The following GIPC1 variants were observed in gnomAD, a reference collection of about 807,000 sequenced individuals.
The protein encoded by GIPC1 is GIPC PDZ domain containing family member 1.
In GIPC1, 15 loss-of-function variants were observed where a neutral mutation model predicts 28.5. The observed-to-expected ratio is 0.53, with a 90% confidence interval of 0.35 to 0.81. The LOEUF (loss-of-function observed/expected upper bound fraction) is 0.81. Among genes scored for constraint, GIPC1 ranks in the 30% least tolerant of loss-of-function variants. The probability of loss-of-function intolerance (pLI) is 0.01; values close to 1 mark genes in which losing one functional copy is unlikely to be tolerated. For synonymous variants in GIPC1, 224 were observed against 206.1 expected, an observed-to-expected ratio of 1.09 and a Z score of -0.74; for missense variants, 439 against 481.9, an observed-to-expected ratio of 0.91 and a Z score of 0.83.
Position 14,482,999 on chromosome 19 carries a change from CAGA to C in GIPC1, c.-26_-24del. The C allele has an allele frequency of 6.2e-7, 1 of 1,603,778 alleles. No individual in the cohort carries two copies. The highest frequency in any genetic ancestry group is 8.5e-7 in the Non-Finnish European group (1 of 1,178,194). ...CATGAGCAGCGAGAAGTGGGGTCAC[CAGA>C]AGATCTGCAGGACAGGAAGTGGGGC... On this transcript the variant is annotated 5_prime_UTR_variant, in exon 4 of 9. Coordinates refer to ENST00000393033, the MANE Select transcript of GIPC1 (RefSeq NM_005716.4).
rs1487108775 is a variant in GIPC1 at position 14,480,693 on chromosome 19, G to A, written c.374C>T (p.Ala125Val). The change falls in exon 5 of 9, where the codon GCC becomes GTC. Residue 125 changes from alanine (A) to valine (V), a missense_variant. Physicochemically the swap from Ala to Val is moderately conservative, Grantham distance 64 (BLOSUM62 0). Transcript: ENST00000393033. ...GQIGLEDFIF[A>V]HVKGQRKEVE... ...CTCCTTGCGCTGCCCCTTCACGTGG[G>A]CGAAGATGAAGTCCTCCAGCCCGAT... is the stretch of plus-strand genomic sequence containing the variant. 1.9e-6 allele frequency: 3 copies of A among 1,614,042 alleles called. No homozygotes were observed. Among genetic ancestry groups the A allele is most frequent in the Non-Finnish European group, 2.5e-6 (3 of 1,179,996 alleles).
chr19:14,486,987 T>C (rs189107734), intron 3 of GIPC1, among the ~76,000 whole-genome samples: 76 of 152,040 alleles, frequency 5.0e-4, no homozygotes, highest in African/African-American at 1.3e-3. Context: ...AAACAATTTT[T>C]TTTTTCTTTT....
rs372383739 is a variant in GIPC1 at position 14,480,569 on chromosome 19, G to A, written c.474+24C>T. ...GGCCCACCCTCACTCCCAGGCCTCC[G>A]GGGTGCCCCGTCTCCCCAGGCACCT... On this transcript the variant is annotated intron_variant, in intron 5 of 8. Transcript: ENST00000393033. 138 of 1,610,638 alleles carry A rather than the reference G, an allele frequency of 8.6e-5. 1 individual carries two copies. The African/African-American group carries it at 1.1e-3, about 12-fold the overall frequency.
intron 3 of GIPC1, among the ~76,000 whole-genome samples, chr19:14,485,702 T>TATATATATAGAGAG (rs1300117748): frequency 8.8e-4 from 52 of 58,770 alleles, no homozygotes; most frequent in Non-Finnish European, 1.4e-3. Context: ...TATATATATA[T>TATATATATAGAGAG]AGAGAGAGAG....
rs190238467 is a variant in GIPC1, at chr19:14,486,522, T to C, written c.-30-3516A>G. Among the ~76,000 whole-genome samples the C allele has an allele frequency of 1.7e-4, 26 of 152,160 alleles. No homozygotes were observed. The East Asian group carries it at 2.7e-3, about 16-fold the overall frequency. The stretch of plus-strand genomic sequence containing the variant: ...TCCCAGGCAGGGTGATGAGCCACAT[T>C]TGATATGGTGGCGACTCTATGAGGC... On this transcript the variant is annotated intron_variant, in intron 3 of 8. Transcript: ENST00000393033.
chr19:14,489,082 T>C (rs1010130284), intron 3 of GIPC1, among the ~76,000 whole-genome samples: 62 of 152,086 alleles, frequency 4.1e-4, no homozygotes, highest in Admixed American at 1.9e-3. Context: ...TTCACAGCCA[T>C]GCCCAGCTAA....
In GIPC1 at chr19:14,478,436, C is replaced by T. The variant is rs774465885; in HGVS notation, c.982G>A (p.Ala328Thr). 39 of 1,610,292 alleles carry T rather than the reference C, an allele frequency of 2.4e-5. No individual in the cohort carries two copies. The highest frequency in any genetic ancestry group is 5.5e-5 in the South Asian group (5 of 90,552). The change falls in exon 9 of 9, where the codon GCC becomes ACC. Residue 328 changes from alanine (A) to threonine (T), a missense_variant. By Grantham distance (58) the Ala-to-Thr change is moderately conservative. Transcript: ENST00000393033. The surrounding 1 kb of genome is among the most constrained non-coding windows in gnomAD (Gnocchi z 5.2). ...VFDVWGAIGD[A>T]KVGRY Reference sequence around the variant, plus strand: ...CAGTCCTAGTAGCGGCCGACCTTGGCGTCCCCAATGGCGCCCCAGACGTCA... The same window carrying T: ...CAGTCCTAGTAGCGGCCGACCTTGGTGTCCCCAATGGCGCCCCAGACGTCA...
Position 14,485,908 on chromosome 19 carries a change from C to T in GIPC1, c.-30-2902G>A, listed in dbSNP as rs894899885. Among the ~76,000 whole-genome samples the T allele has an allele frequency of 9.2e-5, 14 of 151,720 alleles. 1 individual carries two copies. The highest frequency in any genetic ancestry group is 1.9e-4 in the Non-Finnish European group (13 of 67,922). Reference sequence around the variant, plus strand: ...GTCTCAGGCTCCGGAGTAGCTGGGACTACAAGTGCCCGCCACCATGCCCAG... The same window carrying T: ...GTCTCAGGCTCCGGAGTAGCTGGGATTACAAGTGCCCGCCACCATGCCCAG... On this transcript the variant is annotated intron_variant, in intron 3 of 8. Coordinates refer to ENST00000393033, the MANE Select transcript of GIPC1 (RefSeq NM_005716.4).
At chr19:14,492,044 G>A (rs1247030348) in intron 2 of GIPC1, among the ~76,000 whole-genome samples, 1 of 151,896 alleles carries the variant, frequency 6.6e-6, no homozygotes, top group Non-Finnish European at 1.5e-5. Context: ...CTCCAGCCTG[G>A]GTGACAGAGT....
chr19:14,482,980 C>G lies in GIPC1; in HGVS notation c.-4G>C, dbSNP rs1206149624. 4 of 1,609,344 alleles carry G rather than the reference C, an allele frequency of 2.5e-6. No homozygotes were observed. The African/African-American group carries it at 5.3e-5, about 21-fold the overall frequency. On this transcript the variant is annotated 5_prime_UTR_variant, in exon 4 of 9. Coordinates refer to ENST00000393033, the MANE Select transcript of GIPC1 (RefSeq NM_005716.4). ...GCCGCCCCAGTCCCAGCGGCATGAG[C>G]AGCGAGAAGTGGGGTCACCAGAAGA...
chr19:14,489,302 G>C (rs1230726019), intron 3 of GIPC1: 3 of 744,298 alleles, frequency 4.0e-6, no homozygotes, highest in African/African-American at 3.5e-5. Flanking sequence ...ATGACGCCAG[G>C]CACAAGATGC....
chr19:14,490,206 T>A (rs1184471219), intron 3 of GIPC1, among the ~76,000 whole-genome samples: 4 of 146,974 alleles, frequency 2.7e-5, no homozygotes, highest in East Asian at 2.0e-4. Context: ...TCTACTAAAA[T>A]TACAAAAAAT....
At chr19:14,482,505 A>C in intron 4 of GIPC1, 184 bp downstream of exon 4, 1 of 635,118 alleles carries the variant, frequency 1.6e-6, no homozygotes. Context: ...TCACAGGGGC[A>C]CAAGCCTCCC....
chr19:14,486,704 C>T (rs1599357491), intron 3 of GIPC1, among the ~76,000 whole-genome samples: 1 of 129,928 alleles, frequency 7.7e-6, no homozygotes. Context: ...TTCTTGCTTT[C>T]TTTCTTTCTT....
At position 14,478,862 on chromosome 19, in the gene GIPC1, A is replaced by T. The variant is rs2071662190; in HGVS notation, c.769-97T>A. On this transcript the variant is annotated intron_variant, in intron 7 of 8. Transcript: ENST00000393033. The surrounding 1 kb of genome is among the most constrained non-coding windows in gnomAD (Gnocchi z 5.2). Reference sequence around the variant, plus strand: ...TTGTCACCACTTTACATATATTCGTATTTAGACCTCAGGACAACCCTGAGA... The same window carrying T: ...TTGTCACCACTTTACATATATTCGTTTTTAGACCTCAGGACAACCCTGAGA... 2 of 933,630 alleles carry T rather than the reference A, an allele frequency of 2.1e-6. No homozygotes were observed. Among genetic ancestry groups the T allele is most frequent in the Admixed American group, 3.5e-5 (2 of 57,110 alleles). The allele number at this position is 933,630 out of a possible 1,614,324, so 57.8% of individuals were successfully genotyped here.
intron 3 of GIPC1, among the ~76,000 whole-genome samples, chr19:14,485,368 T>C (rs533448807): frequency 4.0e-4 from 61 of 151,200 alleles, no homozygotes; most frequent in Middle Eastern, 3.4e-3. Flanking sequence ...TAAATTTTAT[T>C]GTAGGCCTGG....
Position 14,480,359 on chromosome 19 carries a change from G to GCTCCTTGAGCAGCCGGGCCAC in GIPC1, c.580_600dup (p.Val194_Glu200dup). 1 of 1,612,294 alleles carries GCTCCTTGAGCAGCCGGGCCAC rather than the reference G, an allele frequency of 6.2e-7. No individual in the cohort carries two copies. The highest frequency in any genetic ancestry group is 8.5e-7 in the Non-Finnish European group (1 of 1,179,894). On this transcript the variant is annotated inframe_insertion, in exon 6 of 9. Coordinates refer to ENST00000393033, the MANE Select transcript of GIPC1 (RefSeq NM_005716.4). Reference sequence around the variant, plus strand: ...AGCGTGAAGGTACGGCCTCGGGGCAGCTCCTTGAGCAGCCGGGCCACCTCG... The same window carrying GCTCCTTGAGCAGCCGGGCCAC: ...AGCGTGAAGGTACGGCCTCGGGGCAGCTCCTTGAGCAGCCGGGCCACCTCCTTGAGCAGCCGGGCCACCTCG...
At chr19:14,487,149 G>C (rs973889608) in intron 3 of GIPC1, among the ~76,000 whole-genome samples, 11 of 152,012 alleles carry the variant, frequency 7.2e-5, no homozygotes, top group South Asian at 2.1e-4. Flanking sequence ...AATTCGGTCT[G>C]TGCACTGCCT....
At chr19:14,486,229 T>C (rs1317547032) in intron 3 of GIPC1, among the ~76,000 whole-genome samples, 1 of 152,156 alleles carries the variant, frequency 6.6e-6, no homozygotes, top group African/African-American at 2.4e-5. Context: ...GATCACGTTA[T>C]GCTACAATTA....
Sources: gnomAD v4.1 joint callset for allele counts (sites outside exome capture counted in the v4.1 genomes callset) on GRCh38, gnomAD v4.1.1 for gene constraint, Gnocchi (gnomAD v3.1) non-coding constraint, MANE v1.5 for transcripts, NCBI Gene and HGNC (gene_info 2026-07-23, HGNC 2026-07-21) for gene names.